ADGRL2: variants seen among roughly 807,000 people sequenced by gnomAD.
The protein encoded by ADGRL2 is adhesion G protein-coupled receptor L2.
Under a neutral mutation model 157.4 loss-of-function variants are expected in ADGRL2, and 44 were observed. That is an observed-to-expected ratio of 0.28 (90% CI 0.22 to 0.36). The LOEUF is 0.36. Among genes scored for constraint, ADGRL2 ranks in the 10% least tolerant of loss-of-function variants. The probability of loss-of-function intolerance (pLI) is 1.00; values close to 1 mark genes in which losing one functional copy is unlikely to be tolerated. For missense variants in ADGRL2, 1,510 were observed against 1,768.9 expected, an observed-to-expected ratio of 0.85 and a Z score of 2.63; for synonymous variants, 585 against 624.7, an observed-to-expected ratio of 0.94 and a Z score of 0.95.
rs543440732 is a variant in ADGRL2, at chr1:81,335,389, T to C, written c.-302+28880T>C. ...CTTAAATCAATAATTTCTGACTCGG[T>C]CCAGTGTCTTTCCAATGTACTACAC... On this transcript the variant is annotated intron_variant, in intron 1 of 24. Transcript: ENST00000370721. 2.6e-5 allele frequency among the ~76,000 whole-genome samples: 4 copies of C among 152,252 alleles called. No individual in the cohort carries two copies. In the East Asian group the frequency reaches 7.7e-4, roughly 29 times the overall value.
At chr1:81,913,733 G>A (rs947275676) in intron 3 of ADGRL2, among the ~76,000 whole-genome samples, 1 of 152,108 alleles carries the variant, frequency 6.6e-6, no homozygotes, top group African/African-American at 2.4e-5. Flanking sequence ...TCCTTGAGAA[G>A]GAGTGGCAAT....
At chr1:81,527,679 T>C (rs1246911639) in intron 2 of ADGRL2, among the ~76,000 whole-genome samples, 1 of 150,828 alleles carries the variant, frequency 6.6e-6, no homozygotes, top group Non-Finnish European at 1.5e-5. Context: ...GCCACTGCAC[T>C]CCAACCTAGG....
rs757239865 is a variant in ADGRL2 at position 81,356,952 on chromosome 1, C to CAAAA, written c.-302+50461_-302+50464dup. On this transcript the variant is annotated intron_variant, in intron 1 of 24. Transcript: ENST00000370721. ...TGGGGGACAAAATGAGACTCCGTCTCAAAAAAAAAAAAAAAAAAAAAGAAG... is the reference window on the plus strand; with the variant it reads ...TGGGGGACAAAATGAGACTCCGTCTCAAAAAAAAAAAAAAAAAAAAAAAAAGAAG... Among the ~76,000 whole-genome samples, 61 of 55,666 alleles carry CAAAA rather than the reference C, an allele frequency of 1.1e-3. 1 individual carries two copies. Among genetic ancestry groups the CAAAA allele is most frequent in the Admixed American group, 1.7e-3 (7 of 4,086 alleles). The allele number at this position is 55,666 out of a possible 152,430, so 36.5% of individuals were successfully genotyped here.
intron 1 of ADGRL2, among the ~76,000 whole-genome samples, chr1:81,357,983 G>C (rs769009808): frequency 2.6e-5 from 4 of 152,148 alleles, no homozygotes; most frequent in Non-Finnish European, 4.4e-5. Flanking sequence ...GAATATGGGG[G>C]TAATAATAAA....
intron 1 of ADGRL2, among the ~76,000 whole-genome samples, chr1:81,826,292 A>G (rs1048461933): frequency 2.0e-5 from 3 of 152,250 alleles, no homozygotes; most frequent in African/African-American, 7.2e-5. Context: ...ATTGAAGGTT[A>G]TATGTATAAT....
chr1:81,341,385 A>G (rs1053236096), intron 1 of ADGRL2, among the ~76,000 whole-genome samples: 1 of 152,156 alleles, frequency 6.6e-6, no homozygotes, highest in African/African-American at 2.4e-5. Context: ...GGCCTCTTCA[A>G]AAAGGGCAGA....
rs1395433922 is a variant in ADGRL2, at chr1:81,856,356, T to C, written c.73+19299T>C. On this transcript the variant is annotated intron_variant, in intron 2 of 23. Coordinates refer to ENST00000686636, the MANE Select transcript of ADGRL2 (RefSeq NM_001366006.2). ...TCTGGAATTGCTTCATGTTTCCCAG[T>C]TCAAATTCTTGAGAACAAGAGAAAC... 5.9e-5 allele frequency among the ~76,000 whole-genome samples: 9 copies of C among 152,190 alleles called. No homozygotes were observed. In the East Asian group the frequency reaches 1.7e-3, roughly 29 times the overall value.
intron 1 of ADGRL2, among the ~76,000 whole-genome samples, chr1:81,737,424 A>G (rs2084939243): frequency 6.6e-6 from 1 of 152,116 alleles, no homozygotes; most frequent in African/African-American, 2.4e-5. Context: ...ATCTTGTGAG[A>G]ACTAATTCAC....
At chr1:81,667,687 A>G (rs983682321) in intron 3 of ADGRL2, among the ~76,000 whole-genome samples, 1 of 152,206 alleles carries the variant, frequency 6.6e-6, no homozygotes, top group Non-Finnish European at 1.5e-5. Context: ...TAAAGTAGGC[A>G]TAAAAAATTA....
chr1:81,597,339 T>C (rs548851772), intron 3 of ADGRL2, among the ~76,000 whole-genome samples: 3 of 152,274 alleles, frequency 2.0e-5, no homozygotes, highest in South Asian at 4.1e-4. Context: ...TTATATTTGC[T>C]ACAAATATAA....
chr1:81,677,449 G>C (rs1245787119), intron 3 of ADGRL2, among the ~76,000 whole-genome samples: 1 of 152,160 alleles, frequency 6.6e-6, no homozygotes, highest in Non-Finnish European at 1.5e-5. Context: ...GAATAAACTA[G>C]CATAAAGGAA....
At chr1:81,618,166 A>T (rs971039965) in intron 3 of ADGRL2, among the ~76,000 whole-genome samples, 3 of 152,152 alleles carry the variant, frequency 2.0e-5, no homozygotes. Flanking sequence ...AAGTGATTTA[A>T]TTTTAATCAT....
At chr1:81,673,585 G>T (rs2082920329) in intron 3 of ADGRL2, among the ~76,000 whole-genome samples, 1 of 147,554 alleles carries the variant, frequency 6.8e-6, no homozygotes, top group Non-Finnish European at 1.5e-5. Flanking sequence ...CGCGATCTCG[G>T]CTCACTGCAA....
chr1:81,319,174 C>T (rs936026322), intron 1 of ADGRL2, among the ~76,000 whole-genome samples: 5 of 151,244 alleles, frequency 3.3e-5, no homozygotes, highest in African/African-American at 9.7e-5. Flanking sequence ...CTTGAACTCC[C>T]GACCTCAAGT....
At chr1:81,322,257 T>C (rs1012222513) in intron 1 of ADGRL2, among the ~76,000 whole-genome samples, 1 of 151,390 alleles carries the variant, frequency 6.6e-6, no homozygotes, top group Non-Finnish European at 1.5e-5. Context: ...ACCTGGGGGG[T>C]GAAATACAAA....
intron 1 of ADGRL2, among the ~76,000 whole-genome samples, chr1:81,824,223 G>T (rs555785207): frequency 6.6e-6 from 1 of 152,214 alleles, no homozygotes; most frequent in South Asian, 2.1e-4. Context: ...GGTTTGAAAA[G>T]ATTTATCTTG....
intron 1 of ADGRL2, among the ~76,000 whole-genome samples, chr1:81,719,601 C>T (rs562384127): frequency 6.6e-6 from 1 of 152,260 alleles, no homozygotes; most frequent in African/African-American, 2.4e-5. Context: ...TTCCCAACCT[C>T]ACCTCCCCAG....
intron 2 of ADGRL2, among the ~76,000 whole-genome samples, chr1:81,788,555 GAATTAC>G (rs1024891759): frequency 1.3e-5 from 2 of 152,148 alleles, no homozygotes; most frequent in Non-Finnish European, 2.9e-5. Flanking sequence ...TTTTCCCTAT[GAATTAC>G]CTAGTCTTGG....
At chr1:81,331,642 T>C (rs1661273916) in intron 1 of ADGRL2, among the ~76,000 whole-genome samples, 1 of 152,178 alleles carries the variant, frequency 6.6e-6, no homozygotes, top group African/African-American at 2.4e-5. Context: ...ACAATGTGCA[T>C]TGCCTTTAAG....
Sources: allele counts gnomAD v4.1 joint callset (sites outside exome capture counted in the v4.1 genomes callset), GRCh38; gene constraint gnomAD v4.1.1; transcripts MANE v1.5; gene names NCBI Gene and HGNC (gene_info 2026-07-23, HGNC 2026-07-21).